The following CCDC146 variants were observed in gnomAD, a reference collection of about 807,000 sequenced individuals.
The protein encoded by CCDC146 is coiled-coil domain-containing protein 146.
In CCDC146, 92 loss-of-function variants were observed where a neutral mutation model predicts 119.3. The observed-to-expected ratio is 0.77, with a 90% CI of 0.65 to 0.92. The LOEUF (loss-of-function observed/expected upper bound fraction) is 0.92. Among genes scored for constraint, CCDC146 ranks in the 40% least tolerant of loss-of-function variants. The pLI is 0.00. For missense variants in CCDC146, 1,000 were observed against 1,103.0 expected (o/e 0.91, Z 1.32); for synonymous variants, 372 against 371.8 (o/e 1.00, Z -0.01).
intron 1 of CCDC146, among the ~76,000 whole-genome samples, chr7:77,144,321 G>C (rs536837467): frequency 2.6e-5 from 4 of 151,828 alleles, no homozygotes; most frequent in Non-Finnish European, 5.9e-5. Context: ...TTTGGGCTGA[G>C]ATGATGGGGT....
At chr7:77,185,155 A>G (rs566503899) in intron 2 of CCDC146, among the ~76,000 whole-genome samples, 1 of 152,252 alleles carries the variant, frequency 6.6e-6, no homozygotes, top group South Asian at 2.1e-4. Flanking sequence ...TAATCATAGC[A>G]AACAGAGATG....
chr7:77,163,192 A>G (rs1791288948), intron 1 of CCDC146, among the ~76,000 whole-genome samples: 1 of 152,210 alleles, frequency 6.6e-6, no homozygotes, highest in African/African-American at 2.4e-5. Context: ...TCATGCCTGT[A>G]ATCCCAGCAC....
In CCDC146 at chr7:77,238,963, C is replaced by T. The variant is rs1045897413; in HGVS notation, c.239+1934C>T. 1.9e-4 allele frequency among the ~76,000 whole-genome samples: 29 copies of T among 152,098 alleles called. 1 individual carries two copies. The highest frequency in any genetic ancestry group is 7.0e-4 in the African/African-American group (29 of 41,332). ...TGCCATTGCAAATACTCACCATTCT[C>T]TCCTACTCCCAATGCCTGATGGGTG... On this transcript the variant is annotated intron_variant, in intron 3 of 18. Coordinates refer to ENST00000285871, the MANE Select transcript of CCDC146 (RefSeq NM_020879.3).
At position 77,278,940 on chromosome 7, in the gene CCDC146, G is replaced by A; in HGVS notation, c.1533G>A (p.Leu511=). 6.2e-7 allele frequency: 1 copy of A among 1,608,278 alleles called. No individual in the cohort carries two copies. The highest frequency in any genetic ancestry group is 2.2e-5 in the East Asian group (1 of 44,816). ...KKKKCEIYRR[L]REFAKLYDTI... is the part of the protein sequence containing the mutation. Reference sequence around the variant, plus strand: ...TAAACACTTTGTATTTTTACAGACTGAGAGAGTTTGCTAAACTGTATGACA... The same window carrying A: ...TAAACACTTTGTATTTTTACAGACTAAGAGAGTTTGCTAAACTGTATGACA... Residue 511 remains leucine, a synonymous_variant, in exon 13 of 19, where the codon CTG becomes CTA. Coordinates refer to ENST00000285871, the MANE Select transcript of CCDC146 (RefSeq NM_020879.3).
At chr7:77,187,709 A>ACTAT (rs1287648741) in intron 2 of CCDC146, among the ~76,000 whole-genome samples, 1 of 152,252 alleles carries the variant, frequency 6.6e-6, no homozygotes, top group Non-Finnish European at 1.5e-5. Context: ...ACAGTGCACC[A>ACTAT]GGGAGACTAT....
intron 2 of CCDC146, among the ~76,000 whole-genome samples, chr7:77,202,935 G>T (rs1390076913): frequency 6.6e-6 from 1 of 152,022 alleles, no homozygotes; most frequent in Non-Finnish European, 1.5e-5. Flanking sequence ...ACATGGGGAG[G>T]GTATGTGAGA....
chr7:77,278,879 G>A (rs375681022), intron 12 of CCDC146, 39 bp downstream of exon 12: 25 of 1,595,066 alleles, frequency 1.6e-5, no homozygotes, highest in Non-Finnish European at 2.1e-5. Flanking sequence ...CGTAGGTGAG[G>A]GGAAAAAAAC....
At position 77,282,603 on chromosome 7, in the gene CCDC146, G is replaced by A. The variant is rs1277141467; in HGVS notation, c.1966G>A (p.Glu656Lys). The A allele has an allele frequency of 6.2e-6, 10 of 1,611,828 alleles. No homozygotes were observed. The highest frequency in any genetic ancestry group is 8.5e-6 in the Non-Finnish European group (10 of 1,179,020). The stretch of plus-strand genomic sequence containing the variant: ...GGAAGAAGAAATATGCATTTTTTAT[G>A]AAAAAATAAATATCCAAGAGAAGAT... ...EREEEICIFY[E>K]KINIQEKMKL... Residue 656 changes from glutamate (E) to lysine (K), a missense_variant, in exon 15 of 19, where the codon GAA becomes AAA. Glu to Lys is a moderately conservative substitution (Grantham distance 56). Around this residue, in one of 2 missense-constraint regions of CCDC146, gnomAD observed 985 missense variants for 1,045.3 expected, o/e 0.94. Coordinates refer to ENST00000285871, the MANE Select transcript of CCDC146 (RefSeq NM_020879.3).
intron 9 of CCDC146, among the ~76,000 whole-genome samples, chr7:77,263,710 G>T (rs187709746): frequency 4.6e-5 from 7 of 152,330 alleles, no homozygotes; most frequent in Admixed American, 3.9e-4. Context: ...GATCACCTGA[G>T]GTCAGAAGTT....
intron 1 of CCDC146, among the ~76,000 whole-genome samples, chr7:77,156,831 T>G (rs1440031541): frequency 6.6e-6 from 1 of 152,090 alleles, no homozygotes; most frequent in African/African-American, 2.4e-5. Context: ...GCCTGTCATA[T>G]AGTGGACCGG....
intron 1 of CCDC146, among the ~76,000 whole-genome samples, chr7:77,143,258 G>A (rs1239789690): frequency 2.0e-5 from 3 of 150,434 alleles, no homozygotes; most frequent in Non-Finnish European, 4.4e-5. Flanking sequence ...TTGTTGATGG[G>A]GTTGTTTGAT....
At chr7:77,274,386 T>C (rs1793585240) in intron 10 of CCDC146, 96 bp from the exon 11 acceptor site, 1 of 859,276 alleles carries the variant, frequency 1.2e-6, no homozygotes, top group Admixed American at 3.0e-5. Context: ...AAAAATACAT[T>C]TTGTATAGGA....
intron 2 of CCDC146, among the ~76,000 whole-genome samples, chr7:77,230,657 T>G (rs1412054763): frequency 2.0e-5 from 3 of 152,194 alleles, no homozygotes; most frequent in Non-Finnish European, 4.4e-5. Flanking sequence ...CTTTGGAGAT[T>G]TATCTTTATC....
At chr7:77,182,208 A>G (rs961991682) in intron 2 of CCDC146, among the ~76,000 whole-genome samples, 1 of 152,210 alleles carries the variant, frequency 6.6e-6, no homozygotes, top group African/African-American at 2.4e-5. Flanking sequence ...GACAGGCTCA[A>G]AATATCTTAA....
intron 1 of CCDC146, among the ~76,000 whole-genome samples, chr7:77,165,246 G>A (rs1425745708): frequency 6.6e-6 from 1 of 151,908 alleles, no homozygotes; most frequent in Non-Finnish European, 1.5e-5. Context: ...CCTCATAGAT[G>A]TATGACCTAC....
intron 10 of CCDC146, 87 bp downstream of exon 10, chr7:77,273,876 A>G: frequency 1.3e-6 from 1 of 748,750 alleles, no homozygotes; most frequent in Non-Finnish European, 2.2e-6. Context: ...AACCTTATCA[A>G]TAAGAGAGTC....
At chr7:77,168,470 A>G (rs1472856189) in intron 2 of CCDC146, among the ~76,000 whole-genome samples, 1 of 151,976 alleles carries the variant, frequency 6.6e-6, no homozygotes, top group Non-Finnish European at 1.5e-5. Context: ...GATAAACTTT[A>G]TATAACTGAA....
chr7:77,162,622 G>T (rs1791279506), intron 1 of CCDC146, among the ~76,000 whole-genome samples: 2 of 151,916 alleles, frequency 1.3e-5, no homozygotes, highest in Admixed American at 1.3e-4. Context: ...GCTATTTGGG[G>T]TCTTTTATTG....
chr7:77,231,835 T>C (rs940886100), intron 2 of CCDC146, among the ~76,000 whole-genome samples: 9 of 150,616 alleles, frequency 6.0e-5, no homozygotes, highest in Admixed American at 5.3e-4. Flanking sequence ...TTTTTTTTCC[T>C]CTGCAGAAAG....
Sources: gnomAD v4.1 joint callset for allele counts (sites outside exome capture counted in the v4.1 genomes callset) on GRCh38, gnomAD v4.1.1 for gene constraint, gnomAD v4.1.1 regional missense constraint, MANE v1.5 for transcripts, NCBI Gene and HGNC (gene_info 2026-07-23, HGNC 2026-07-21) for gene names.